Variants in SRGAP1 observed in about 807,000 individuals in gnomAD.
The protein encoded by SRGAP1 is SLIT-ROBO Rho GTPase activating protein 1.
In SRGAP1, 43 loss-of-function variants were observed where a neutral mutation model predicts 121.9. The observed-to-expected ratio is 0.35, with a 90% CI of 0.28 to 0.46. SRGAP1 has a LOEUF of 0.46. Ranked by LOEUF, SRGAP1 falls within the 20% of genes least tolerant of loss-of-function variation. The pLI is 1.00. For synonymous variants in SRGAP1, 447 were observed against 485.4 expected (o/e 0.92, Z 1.04); for missense variants, 1,102 against 1,350.9 (o/e 0.82, Z 2.89).
At chr12:64,134,579 C>A (rs2036832015) in intron 21 of SRGAP1, among the ~76,000 whole-genome samples, 1 of 152,124 alleles carries the variant, frequency 6.6e-6, no homozygotes, top group Non-Finnish European at 1.5e-5. Flanking sequence ...TACATTAAAC[C>A]AAGGGAGAGC....
At chr12:63,898,489 C>T (rs975663491) in intron 1 of SRGAP1, among the ~76,000 whole-genome samples, 2 of 152,168 alleles carry the variant, frequency 1.3e-5, no homozygotes, top group African/African-American at 2.4e-5. Context: ...TCATTGGGCA[C>T]TTCTGTCTCT....
chr12:63,925,578 G>T (rs970164705), intron 1 of SRGAP1, among the ~76,000 whole-genome samples: 2 of 152,150 alleles, frequency 1.3e-5, no homozygotes, highest in African/African-American at 4.8e-5. Context: ...CATTTATTGA[G>T]AATTTGCATA....
At chr12:64,048,246 G>A (rs1012448762) in intron 6 of SRGAP1, among the ~76,000 whole-genome samples, 1 of 152,098 alleles carries the variant, frequency 6.6e-6, no homozygotes, top group Non-Finnish European at 1.5e-5. Flanking sequence ...AAAATGTGAA[G>A]TTTGTCTTTC....
chr12:63,923,340 C>A (rs572649884), intron 1 of SRGAP1, among the ~76,000 whole-genome samples: 2 of 152,202 alleles, frequency 1.3e-5, no homozygotes, highest in Admixed American at 1.3e-4. Flanking sequence ...TTATAACGGC[C>A]GTACTTACAA....
intron 6 of SRGAP1, among the ~76,000 whole-genome samples, chr12:64,060,675 A>G (rs2035434339): frequency 1.3e-5 from 2 of 152,218 alleles, no homozygotes; most frequent in Admixed American, 1.3e-4. Flanking sequence ...GTAAGGACCA[A>G]CCTATTTAAT....
intron 11 of SRGAP1, among the ~76,000 whole-genome samples, chr12:64,088,780 C>T (rs2035993379): frequency 6.6e-6 from 1 of 152,174 alleles, no homozygotes; most frequent in Admixed American, 6.5e-5. Flanking sequence ...TCATAGAAGA[C>T]TCAAAAGATA....
intron 2 of SRGAP1, among the ~76,000 whole-genome samples, chr12:63,985,815 A>G (rs923331083): frequency 6.6e-5 from 10 of 151,810 alleles, no homozygotes; most frequent in Non-Finnish European, 1.3e-4. Context: ...TAAAACAGAA[A>G]CCCCTCTACC....
chr12:63,886,464 A>T (rs1047889464), intron 1 of SRGAP1, among the ~76,000 whole-genome samples: 5 of 149,386 alleles, frequency 3.3e-5, no homozygotes, highest in Non-Finnish European at 5.9e-5. Context: ...TATTTTAGAA[A>T]TGAACCATTT....
At position 64,135,321 on chromosome 12, in the gene SRGAP1, T is replaced by A. The variant is rs1342350943; in HGVS notation, c.2881-6974T>A. On this transcript the variant is annotated intron_variant, in intron 21 of 21. Transcript: ENST00000355086. Reference sequence around the variant, plus strand: ...TTTCATTGCAGGTCAGCGACTTGCATAAGAACTCGTGTCTGGTTCTCCATA... The same window carrying A: ...TTTCATTGCAGGTCAGCGACTTGCAAAAGAACTCGTGTCTGGTTCTCCATA... 3.3e-5 allele frequency among the ~76,000 whole-genome samples: 5 copies of A among 152,156 alleles called. 1 individual carries two copies. The highest frequency in any genetic ancestry group is 7.4e-5 in the Non-Finnish European group (5 of 68,026).
intron 1 of SRGAP1, among the ~76,000 whole-genome samples, chr12:63,927,674 T>C (rs1047306320): frequency 2.6e-4 from 39 of 152,190 alleles, no homozygotes; most frequent in African/African-American, 8.7e-4. Context: ...GCAAGACTCA[T>C]ATAAAATACT....
chr12:64,012,816 G>A (rs1387947144), intron 3 of SRGAP1, among the ~76,000 whole-genome samples: 1 of 151,944 alleles, frequency 6.6e-6, no homozygotes, highest in African/African-American at 2.4e-5. Flanking sequence ...CTCCCAAAGT[G>A]CTAGGATTAC....
chr12:64,034,570 TTAATGGCATTCTTTTCAAATA>T (rs1332672532), intron 4 of SRGAP1, among the ~76,000 whole-genome samples: 2 of 152,220 alleles, frequency 1.3e-5, no homozygotes, highest in Non-Finnish European at 2.9e-5. Context: ...AATGAATTAT[TTAATGGCATTCTTTTCAAATA>T]TCAATAGCTG....
intron 12 of SRGAP1, among the ~76,000 whole-genome samples, chr12:64,092,713 A>G (rs1326584023): frequency 2.0e-5 from 3 of 152,142 alleles, no homozygotes; most frequent in African/African-American, 7.2e-5. Flanking sequence ...AGCAGGGACA[A>G]ATTATATGGA....
At chr12:63,903,135 G>T (rs541089486) in intron 1 of SRGAP1, among the ~76,000 whole-genome samples, 6 of 152,084 alleles carry the variant, frequency 3.9e-5, no homozygotes, top group African/African-American at 1.4e-4. Context: ...TTTTAAGCAC[G>T]CTTTCAAGTA....
At position 64,043,475 on chromosome 12, in the gene SRGAP1, T is replaced by C; in HGVS notation, c.701T>C (p.Leu234Pro). ...KRQAKYSENK[L>P]KSIKARNEYL... ...CAAGCAAAATATTCAGAAAATAAGC[T>C]AAAATCAATTAAGGCACGGAACGAA... The change falls in exon 6 of 22, where the codon CTA (leucine) becomes CCA (proline). Residue 234 changes from leucine to proline, a missense_variant. Leu to Pro is a moderately conservative substitution (Grantham distance 98). Around this residue, in one of 3 missense-constraint regions of SRGAP1, gnomAD observed 747 missense variants for 929.4 expected, o/e 0.80. Transcript: ENST00000355086. 1 of 1,612,026 alleles carries C rather than the reference T, an allele frequency of 6.2e-7. No homozygotes were observed. The highest frequency in any genetic ancestry group is 8.5e-7 in the Non-Finnish European group (1 of 1,179,298).
intron 17 of SRGAP1, among the ~76,000 whole-genome samples, chr12:64,112,574 T>TA (rs1311018804): frequency 7.2e-5 from 11 of 152,216 alleles, no homozygotes; most frequent in African/African-American, 2.7e-4. Flanking sequence ...TCATTCTTTT[T>TA]ATTGCTGAAT....
Position 64,097,121 on chromosome 12 carries a change from T to TTC in SRGAP1, c.1679-119_1679-118dup, listed in dbSNP as rs2036170130. The TTC allele has an allele frequency of 6.7e-6, 7 of 1,037,552 alleles. No homozygotes were observed. The South Asian group carries it at 1.7e-4, about 25-fold the overall frequency. The allele number at this position is 1,037,552 out of a possible 1,614,324, so 64.3% of individuals were successfully genotyped here. On this transcript the variant is annotated intron_variant, in intron 14 of 21. Coordinates refer to ENST00000355086, the MANE Select transcript of SRGAP1 (RefSeq NM_020762.4). ...TTTTAATTTTAGTACCATATAATCT[T>TTC]TCATAAAGCATAATTAAAAGATACA...
chr12:64,146,126 A>G lies in SRGAP1; in HGVS notation c.*3454A>G, dbSNP rs1246068795. The stretch of plus-strand genomic sequence containing the variant: ...ACATTTTCTAATGGGCGTTACGTGA[A>G]CTGTTTGAACCTGCTGAGTGGCGCT... On this transcript the variant is annotated 3_prime_UTR_variant, in exon 22 of 22. Transcript: ENST00000355086. The G allele has an allele frequency of 6.6e-6, 1 of 152,170 alleles. No individual in the cohort carries two copies. The highest frequency in any genetic ancestry group is 2.4e-5 in the African/African-American group (1 of 41,430). 9.4% of individuals were successfully genotyped at this position (152,170 alleles called of 1,614,324 possible). A position where few individuals can be genotyped will look rare whatever the true frequency, so the allele number is the denominator to read the frequency against.
Position 64,140,330 on chromosome 12 carries a change from G to A in SRGAP1, c.2881-1965G>A, listed in dbSNP as rs545300906. Among the ~76,000 whole-genome samples, 166 of 145,854 alleles carry A rather than the reference G, an allele frequency of 1.1e-3. 1 individual carries two copies. Among genetic ancestry groups the A allele is most frequent in the African/African-American group, 4.0e-3 (152 of 37,868 alleles). ...GGCATTGAATCTGTAAATTACCTTG[G>A]GCAGTATGGCCATTTTCACGATATT... On this transcript the variant is annotated intron_variant, in intron 21 of 21. Coordinates refer to ENST00000355086, the MANE Select transcript of SRGAP1 (RefSeq NM_020762.4).
Sources: gnomAD v4.1 joint callset for allele counts (sites outside exome capture counted in the v4.1 genomes callset) on GRCh38, gnomAD v4.1.1 for gene constraint, gnomAD v4.1.1 regional missense constraint, MANE v1.5 for transcripts, NCBI Gene and HGNC (gene_info 2026-07-23, HGNC 2026-07-21) for gene names.